The following SGCD variants were observed in gnomAD, a reference collection of about 807,000 sequenced individuals.
SGCD encodes the protein delta-sarcoglycan.
A neutral mutation model predicts 36.6 loss-of-function variants in SGCD; 18 were observed. That is an observed-to-expected ratio of 0.49 (90% confidence interval 0.34 to 0.73). The LOEUF (loss-of-function observed/expected upper bound fraction) is 0.73. Ranked by LOEUF, SGCD falls within the 30% of genes least tolerant of loss-of-function variation. The pLI, the probability that SGCD is intolerant of heterozygous loss-of-function variation, is 0.01. For missense variants in SGCD, 387 were observed against 346.7 expected (o/e 1.12, Z -0.92); for synonymous variants, 133 against 130.6 (o/e 1.02, Z -0.12).
intron 1 of SGCD, among the ~76,000 whole-genome samples, chr5:156,061,876 T>C (rs1186490515): frequency 7.0e-6 from 1 of 143,186 alleles, no homozygotes; most frequent in Non-Finnish European, 1.6e-5. Flanking sequence ...GTCATTGAGA[T>C]TGGCAGGTAA....
At chr5:156,168,505 G>C (rs1763265005) in intron 3 of SGCD, among the ~76,000 whole-genome samples, 1 of 152,152 alleles carries the variant, frequency 6.6e-6, no homozygotes. Context: ...AGCCCAGCAG[G>C]TCAAGGTTAC....
intron 3 of SGCD, among the ~76,000 whole-genome samples, chr5:156,165,609 T>A (rs1763194924): frequency 6.6e-6 from 1 of 152,220 alleles, no homozygotes; most frequent in Admixed American, 6.5e-5. Flanking sequence ...TCCTTGAACC[T>A]GCAGATGGAT....
chr5:155,829,641 A>G, the SGCD span, among the ~76,000 whole-genome samples: 2 of 152,256 alleles, frequency 1.3e-5, no homozygotes, highest in African/African-American at 4.8e-5. Flanking sequence ...GATAACTCAT[A>G]GCCTGTTTGA....
At chr5:156,449,481 A>G (rs935946914) in intron 3 of SGCD, among the ~76,000 whole-genome samples, 1 of 151,860 alleles carries the variant, frequency 6.6e-6, no homozygotes, top group African/African-American at 2.4e-5. Context: ...TAGACAAGGA[A>G]GGATAGGGAA....
chr5:156,584,786 G>A (rs551826360), intron 4 of SGCD, among the ~76,000 whole-genome samples: 1 of 151,894 alleles, frequency 6.6e-6, no homozygotes, highest in East Asian at 1.9e-4. Context: ...CTTTTTATAT[G>A]TTTAGATTAT....
chr5:156,214,470 A>T (rs553836642), intron 3 of SGCD, among the ~76,000 whole-genome samples: 1 of 152,050 alleles, frequency 6.6e-6, no homozygotes, highest in Non-Finnish European at 1.5e-5. Context: ...AGCCATAAAT[A>T]AATGGAAAGA....
At chr5:156,473,239 G>A in intron 3 of SGCD, among the ~76,000 whole-genome samples, 1 of 152,318 alleles carries the variant, frequency 6.6e-6, no homozygotes, top group African/African-American at 2.4e-5. Context: ...AAGGCCACCA[G>A]TAGATGCCTG....
intron 6 of SGCD, among the ~76,000 whole-genome samples, chr5:156,625,310 A>C (rs1762399837): frequency 6.6e-6 from 1 of 152,234 alleles, no homozygotes; most frequent in South Asian, 2.1e-4. Flanking sequence ...CAAAATGTCC[A>C]GGATTACCAA....
At chr5:155,919,285 A>T (rs1416714748) in intron 1 of SGCD, among the ~76,000 whole-genome samples, 3 of 152,196 alleles carry the variant, frequency 2.0e-5, no homozygotes, top group Admixed American at 1.3e-4. Flanking sequence ...TACATGATTG[A>T]GTTACGACAT....
At chr5:156,416,339 G>A (rs912730855) in intron 3 of SGCD, among the ~76,000 whole-genome samples, 4 of 152,150 alleles carry the variant, frequency 2.6e-5, no homozygotes, top group African/African-American at 7.2e-5. Flanking sequence ...GCATAAGAAT[G>A]ATACATTGGA....
At chr5:156,277,442 T>C (rs1766346437) in intron 3 of SGCD, among the ~76,000 whole-genome samples, 1 of 152,140 alleles carries the variant, frequency 6.6e-6, no homozygotes, top group Admixed American at 6.6e-5. Flanking sequence ...ATGAGGAACA[T>C]AAAAATGCAA....
intron 3 of SGCD, among the ~76,000 whole-genome samples, chr5:156,236,745 G>A (rs773625992): frequency 4.4e-4 from 67 of 152,024 alleles, no homozygotes; most frequent in Admixed American, 2.7e-3. Context: ...ACTGTGCCTG[G>A]CCTAATTTGT....
chr5:156,335,689 G>A (rs530646544), intron 2 of SGCD, among the ~76,000 whole-genome samples: 7 of 152,002 alleles, frequency 4.6e-5, no homozygotes, highest in African/African-American at 7.2e-5. Context: ...CTATCCTCAC[G>A]CTGTTCCCTG....
chr5:155,915,040 G>A (rs1405203353), intron 1 of SGCD, among the ~76,000 whole-genome samples: 2 of 152,146 alleles, frequency 1.3e-5, no homozygotes, highest in South Asian at 2.1e-4. Context: ...TGAGCATGTG[G>A]TGTAAACATT....
the SGCD span, among the ~76,000 whole-genome samples, chr5:155,738,729 TGAGA>T: frequency 3.0e-4 from 44 of 148,358 alleles, no homozygotes; most frequent in African/African-American, 8.1e-4. Context: ...AGAGTGTGTG[TGAGA>T]GAGTGTGTGC....
At chr5:156,620,478 G>T (rs1338998402) in intron 6 of SGCD, among the ~76,000 whole-genome samples, 1 of 152,198 alleles carries the variant, frequency 6.6e-6, no homozygotes, top group Admixed American at 6.5e-5. Context: ...CAAAATATAC[G>T]ATAGAACTTG....
intron 1 of SGCD, among the ~76,000 whole-genome samples, chr5:156,024,491 T>C (rs368670026): frequency 6.6e-6 from 1 of 151,986 alleles, no homozygotes; most frequent in African/African-American, 2.4e-5. Context: ...ACCTTTTGAG[T>C]AAGCTTTCTG....
intron 3 of SGCD, among the ~76,000 whole-genome samples, chr5:156,287,273 C>T (rs770641749): frequency 1.3e-5 from 2 of 152,122 alleles, no homozygotes; most frequent in South Asian, 4.1e-4. Flanking sequence ...TTCAGCAGAT[C>T]TGGAAGGGAG....
intron 4 of SGCD, among the ~76,000 whole-genome samples, chr5:156,530,730 C>T (rs1757852990): frequency 1.3e-5 from 2 of 152,080 alleles, no homozygotes; most frequent in South Asian, 2.1e-4. Context: ...CAGGCATGCA[C>T]CACCGTGCCC....
Sources: gnomAD v4.1 joint callset for allele counts (sites outside exome capture counted in the v4.1 genomes callset) on GRCh38, gnomAD v4.1.1 for gene constraint, MANE v1.5 for transcripts, NCBI Gene and HGNC (gene_info 2026-07-23, HGNC 2026-07-21) for gene names.